Variants in SLC39A10 observed in about 807,000 individuals in gnomAD.
The protein encoded by SLC39A10 is zinc transporter ZIP10.
SLC39A10 carries 13 observed loss-of-function variants against 65.1 expected under a neutral mutation model. The ratio of observed to expected loss-of-function variants is 0.20; its 90% CI spans 0.13 to 0.32. The LOEUF (loss-of-function observed/expected upper bound fraction) is 0.32. SLC39A10 is among the 10% of genes least tolerant of loss of function. The pLI is 1.00. For synonymous variants in SLC39A10, 321 were observed against 342.2 expected (o/e 0.94, Z 0.68); for missense variants, 831 against 1,018.4 (o/e 0.82, Z 2.50).
chr2:195,713,931 CTTT>C (rs111925254), intron 6 of SLC39A10, among the ~76,000 whole-genome samples: 1 of 146,356 alleles, frequency 6.8e-6, no homozygotes. Flanking sequence ...ATGACAAAGA[CTTT>C]TTTTTTTTTT....
chr2:195,717,135 A>G, intron 7 of SLC39A10, 130 bp downstream of exon 7: 1 of 1,276,752 alleles, frequency 7.8e-7, no homozygotes, highest in South Asian at 1.5e-5. Context: ...CAAAGGCTAC[A>G]GTTTTGTGTT....
intron 1 of SLC39A10, among the ~76,000 whole-genome samples, chr2:195,659,137 CTT>C (rs1689280201): frequency 6.6e-6 from 1 of 152,098 alleles, no homozygotes; most frequent in Non-Finnish European, 1.5e-5. Flanking sequence ...TAAGATAAAT[CTT>C]TTTCTTTTTT....
At chr2:195,699,322 T>C (rs1691091324) in intron 3 of SLC39A10, among the ~76,000 whole-genome samples, 1 of 151,994 alleles carries the variant, frequency 6.6e-6, no homozygotes, top group Non-Finnish European at 1.5e-5. Context: ...TTCTTCCTTC[T>C]GCTAGTCTTG....
At chr2:195,695,401 C>T (rs1690911035) in intron 3 of SLC39A10, among the ~76,000 whole-genome samples, 1 of 152,172 alleles carries the variant, frequency 6.6e-6, no homozygotes, top group South Asian at 2.1e-4. Context: ...CAGTCACAGG[C>T]CTCACCACAC....
At chr2:195,692,828 C>T (rs879934517) in intron 3 of SLC39A10, among the ~76,000 whole-genome samples, 1 of 152,064 alleles carries the variant, frequency 6.6e-6, no homozygotes, top group Non-Finnish European at 1.5e-5. Context: ...ATTTCTTTCC[C>T]TTCTCTGATT....
In SLC39A10 at chr2:195,680,029, T is replaced by C. The variant is rs758783401; in HGVS notation, c.-11-3T>C. 20 of 1,568,256 alleles carry C rather than the reference T, an allele frequency of 1.3e-5. No individual in the cohort carries two copies. The Middle Eastern group carries it at 1.0e-3, about 81-fold the overall frequency. ...ACTTGTCTCTCTCTTTAAATCTCTT[T>C]AGGAAAAATAGAAATGAAGGTACAT... On this transcript the variant is annotated splice_region_variant and splice_polypyrimidine_tract_variant and intron_variant, in intron 1 of 9. Coordinates refer to ENST00000359634, the MANE Select transcript of SLC39A10 (RefSeq NM_020342.3).
chr2:195,613,294 A>AT (rs1246221392), intron 2 of SLC39A10, among the ~76,000 whole-genome samples: 6 of 151,724 alleles, frequency 4.0e-5, no homozygotes, highest in Non-Finnish European at 5.9e-5. Context: ...CAAAAGGAGA[A>AT]TTTTTTTTCC....
chr2:195,648,062 G>A (rs1688961184), intron 2 of SLC39A10, among the ~76,000 whole-genome samples: 1 of 152,204 alleles, frequency 6.6e-6, no homozygotes, highest in East Asian at 1.9e-4. Context: ...ACAAAATCAT[G>A]GCTCACTGCA....
At chr2:195,665,846 G>A (rs1363841506) in intron 1 of SLC39A10, among the ~76,000 whole-genome samples, 2 of 152,022 alleles carry the variant, frequency 1.3e-5, no homozygotes, top group Admixed American at 1.3e-4. Flanking sequence ...TGATTTTAGT[G>A]CTCTTTCACT....
chr2:195,649,657 A>G (rs890138261), intron 2 of SLC39A10, among the ~76,000 whole-genome samples: 2 of 152,250 alleles, frequency 1.3e-5, no homozygotes, highest in African/African-American at 2.4e-5. Flanking sequence ...CTTAAATTGA[A>G]GTGTAATCAC....
rs1255089365 is a variant in SLC39A10 at position 195,735,194 on chromosome 2, T to C, written c.*153T>C. On this transcript the variant is annotated 3_prime_UTR_variant, in exon 10 of 10. Coordinates refer to ENST00000359634, the MANE Select transcript of SLC39A10 (RefSeq NM_020342.3). The stretch of plus-strand genomic sequence containing the variant: ...GAGCCTAACCACAAGAGGCTGGTGC[T>C]TAGTACTGTTTTCCCTGCACGTAGG... 3.0e-6 allele frequency: 2 copies of C among 665,738 alleles called. No individual in the cohort carries two copies. The highest frequency in any genetic ancestry group is 4.2e-4 in the Middle Eastern group (1 of 2,366). The allele number at this position is 665,738 out of a possible 1,614,324, so 41.2% of individuals were successfully genotyped here.
rs1352409265 is a variant in SLC39A10 at position 195,618,367 on chromosome 2, A to AG, written c.-12+12134_-12+12135insG. ...CTCCGTCTCACCAAAAAAAAAAAAAAAGAGAGAGAAAAAGTTAACTGACAG... is the reference window on the plus strand; with the variant it reads ...CTCCGTCTCACCAAAAAAAAAAAAAAGAGAGAGAGAAAAAGTTAACTGACAG... On this transcript the variant is annotated intron_variant, in intron 2 of 2. Transcript: ENST00000458054. Among the ~76,000 whole-genome samples the AG allele has an allele frequency of 7.3e-4, 111 of 152,004 alleles. 1 individual carries two copies. The Middle Eastern group carries it at 0.01, about 14-fold the overall frequency.
chr2:195,715,972 A>T (rs1691793002), intron 6 of SLC39A10, among the ~76,000 whole-genome samples: 1 of 152,210 alleles, frequency 6.6e-6, no homozygotes, highest in Non-Finnish European at 1.5e-5. Context: ...GTTTCACTGG[A>T]ATTTGGTCAG....
chr2:195,644,748 T>C (rs913750848), intron 2 of SLC39A10, among the ~76,000 whole-genome samples: 2 of 151,578 alleles, frequency 1.3e-5, no homozygotes, highest in African/African-American at 2.4e-5. Context: ...ATGGCTGCAC[T>C]GAGCTTTATC....
At position 195,621,962 on chromosome 2, in the gene SLC39A10, G is replaced by A. The variant is rs146722301; in HGVS notation, c.-12+15729G>A. Among the ~76,000 whole-genome samples the A allele has an allele frequency of 4.4e-3, 667 of 152,238 alleles. 7 individuals are homozygous for A. The highest frequency in any genetic ancestry group is 0.016 in the African/African-American group (646 of 41,536). On this transcript the variant is annotated intron_variant, in intron 2 of 2. Coordinates refer to the SLC39A10 transcript ENST00000458054. Reference sequence around the variant, plus strand: ...ACAAACTGAGTCCCATATAGTAAATGGTTGTGCCGGGATTTAGACTGAAAT... The same window carrying A: ...ACAAACTGAGTCCCATATAGTAAATAGTTGTGCCGGGATTTAGACTGAAAT...
At chr2:195,644,064 T>C (rs1399539999) in intron 2 of SLC39A10, among the ~76,000 whole-genome samples, 1 of 151,966 alleles carries the variant, frequency 6.6e-6, no homozygotes, top group Admixed American at 6.6e-5. Context: ...TCAAAACAAA[T>C]AAAAGGAGAT....
At chr2:195,696,315 T>C (rs538791684) in intron 3 of SLC39A10, among the ~76,000 whole-genome samples, 1 of 68,572 alleles carries the variant, frequency 1.5e-5, no homozygotes, top group East Asian at 3.8e-4. Flanking sequence ...TATTTTTTAT[T>C]TCTGAAAAAA....
At chr2:195,667,250 CTG>C (rs56726191) in intron 1 of SLC39A10, among the ~76,000 whole-genome samples, 22,300 of 152,096 alleles carry the variant, frequency 0.15, 1,913 homozygotes, top group African/African-American at 0.23. Context: ...GCATTCCAAA[CTG>C]TGAATATGAT....
At chr2:195,658,982 ATATTT>A (rs1689273976) in intron 1 of SLC39A10, among the ~76,000 whole-genome samples, 1 of 152,252 alleles carries the variant, frequency 6.6e-6, no homozygotes, top group Non-Finnish European at 1.5e-5. Context: ...TATGACATCT[ATATTT>A]TAGTAAAGCA....
Sources: gnomAD v4.1 joint callset for allele counts (sites outside exome capture counted in the v4.1 genomes callset) on GRCh38, gnomAD v4.1.1 for gene constraint, MANE v1.5 for transcripts, NCBI Gene and HGNC (gene_info 2026-07-23, HGNC 2026-07-21) for gene names.